The following MYT1L variants were observed in gnomAD, a reference collection of about 807,000 sequenced individuals.
MYT1L encodes the protein myelin transcription factor 1-like protein.
MYT1L carries 12 observed loss-of-function variants against 126.7 expected under a neutral mutation model. That is an observed-to-expected ratio of 0.09 (90% CI 0.06 to 0.15). The LOEUF is 0.15. Among genes scored for constraint, MYT1L ranks in the 10% least tolerant of loss-of-function variants. The pLI, the probability that MYT1L is intolerant of heterozygous loss-of-function variation, is 1.00. For synonymous variants in MYT1L, 541 were observed against 604.2 expected (o/e 0.90, Z 1.53); for missense variants, 979 against 1,585.2 (o/e 0.62, Z 6.49).
At chr2:2,058,605 C>T (rs572405246) in intron 3 of MYT1L, among the ~76,000 whole-genome samples, 1 of 152,146 alleles carries the variant, frequency 6.6e-6, no homozygotes. Context: ...TAATGATCAA[C>T]AAATTTATGC....
At position 2,273,150 on chromosome 2, in the gene MYT1L, C is replaced by G. The variant is rs57955620; in HGVS notation, c.-421+11254G>C. On this transcript the variant is annotated intron_variant, in intron 2 of 24. Coordinates refer to ENST00000647738, the MANE Select transcript of MYT1L (RefSeq NM_001303052.2). ...CCCCTGCCACAATTCTGGACTCTTC[C>G]CTGGTGACGCTCCTCCTCATTCCTC... Among the ~76,000 whole-genome samples, 673 of 152,298 alleles carry G rather than the reference C, an allele frequency of 4.4e-3. 2 individuals are homozygous for G. The highest frequency in any genetic ancestry group is 0.015 in the African/African-American group (640 of 41,564).
intron 10 of MYT1L, among the ~76,000 whole-genome samples, chr2:1,921,075 A>C (rs2053516950): frequency 6.6e-6 from 1 of 152,238 alleles, no homozygotes. Flanking sequence ...AGTGGGAAAA[A>C]GTGCAGTTTT....
intron 23 of MYT1L, among the ~76,000 whole-genome samples, chr2:1,794,041 C>T (rs969863084): frequency 3.3e-5 from 5 of 152,152 alleles, no homozygotes; most frequent in Admixed American, 6.5e-5. Context: ...TTTTCTATGA[C>T]GGAATCTAAT....
intron 9 of MYT1L, among the ~76,000 whole-genome samples, chr2:1,927,161 G>T (rs367768098): frequency 6.6e-6 from 1 of 152,138 alleles, no homozygotes; most frequent in Middle Eastern, 3.2e-3. Context: ...AATCAGAGAA[G>T]AGCTGGCCCA....
intron 21 of MYT1L, among the ~76,000 whole-genome samples, chr2:1,838,382 G>A (rs1457834267): frequency 1.3e-5 from 2 of 152,150 alleles, no homozygotes; most frequent in Non-Finnish European, 2.9e-5. Context: ...CTGTGTTTGA[G>A]ATGGATTTGA....
intron 1 of MYT1L, among the ~76,000 whole-genome samples, chr2:2,294,356 A>T (rs557964750): frequency 1.3e-5 from 2 of 152,164 alleles, no homozygotes; most frequent in Non-Finnish European, 2.9e-5. Flanking sequence ...ATATCTTAGG[A>T]TGGTTTCAAT....
intron 9 of MYT1L, among the ~76,000 whole-genome samples, chr2:1,926,524 C>A (rs1224875130): frequency 6.6e-6 from 1 of 152,156 alleles, no homozygotes; most frequent in Non-Finnish European, 1.5e-5. Flanking sequence ...AATGAACATT[C>A]CAACCTCAAA....
chr2:2,290,599 A>T (rs1250739732), intron 1 of MYT1L, among the ~76,000 whole-genome samples: 1 of 152,260 alleles, frequency 6.6e-6, no homozygotes, highest in East Asian at 1.9e-4. Context: ...TTAAAATGAC[A>T]GCATTCTGTT....
intron 18 of MYT1L, among the ~76,000 whole-genome samples, chr2:1,862,997 C>A (rs565510936): frequency 2.0e-5 from 3 of 152,158 alleles, no homozygotes; most frequent in South Asian, 2.1e-4. Flanking sequence ...AGGCTCACAA[C>A]GCTGGAATGA....
At chr2:1,906,134 C>A (rs530524180) in intron 13 of MYT1L, among the ~76,000 whole-genome samples, 1 of 152,216 alleles carries the variant, frequency 6.6e-6, no homozygotes, top group Non-Finnish European at 1.5e-5. Context: ...TTTAAAAAAT[C>A]GCCTACAGAT....
At chr2:2,095,645 G>C (rs577643610) in intron 3 of MYT1L, among the ~76,000 whole-genome samples, 1 of 152,112 alleles carries the variant, frequency 6.6e-6, no homozygotes, top group South Asian at 2.1e-4. Flanking sequence ...TTTTCCATCT[G>C]TGAGTGTCTG....
At chr2:2,084,244 C>T (rs561059418) in intron 3 of MYT1L, among the ~76,000 whole-genome samples, 6 of 152,356 alleles carry the variant, frequency 3.9e-5, no homozygotes, top group African/African-American at 1.4e-4. Context: ...TTAGTATAGA[C>T]TGAGAGGGCT....
At chr2:1,853,596 T>C (rs4369889) in intron 18 of MYT1L, among the ~76,000 whole-genome samples, 69,405 of 152,100 alleles carry the variant, frequency 0.46, 16,981 homozygotes, top group Middle Eastern at 0.67. Context: ...CTAATCGTGG[T>C]GCATGTATCT....
chr2:1,849,495 C>T (rs1429307872), intron 19 of MYT1L, among the ~76,000 whole-genome samples: 2 of 152,206 alleles, frequency 1.3e-5, no homozygotes, highest in African/African-American at 2.4e-5. Flanking sequence ...TGCCCTGGGT[C>T]TGTGGCAGTG....
intron 9 of MYT1L, among the ~76,000 whole-genome samples, chr2:1,936,362 T>C (rs1408371971): frequency 6.6e-6 from 1 of 152,168 alleles, no homozygotes; most frequent in Non-Finnish European, 1.5e-5. Flanking sequence ...AGAGTTTAGG[T>C]TTTTTAAAAT....
intron 1 of MYT1L, among the ~76,000 whole-genome samples, chr2:2,303,317 CG>C (rs754536724): frequency 1.3e-5 from 2 of 152,140 alleles, no homozygotes; most frequent in Non-Finnish European, 2.9e-5. Flanking sequence ...TTGTCTTCCG[CG>C]GGGGCACCTT....
At chr2:2,295,493 T>C (rs952815542) in intron 1 of MYT1L, among the ~76,000 whole-genome samples, 1 of 149,418 alleles carries the variant, frequency 6.7e-6, no homozygotes, top group Non-Finnish European at 1.5e-5. Flanking sequence ...CCAAAGGGAA[T>C]GTGGAGAGTG....
intron 8 of MYT1L, among the ~76,000 whole-genome samples, chr2:1,972,705 A>AT (rs2059899683): frequency 6.6e-6 from 1 of 152,226 alleles, no homozygotes; most frequent in African/African-American, 2.4e-5. Context: ...CTGTGAAGAC[A>AT]GGCAATTATT....
chr2:1,892,055 C>T lies in MYT1L; in HGVS notation c.2265G>A (p.Gln755=). 6.5e-7 allele frequency: 1 copy of T among 1,537,244 alleles called. No individual in the cohort carries two copies. Among genetic ancestry groups the T allele is most frequent in the African/African-American group, 1.4e-5 (1 of 73,088 alleles). The change falls in exon 15 of 25, where the codon CAG becomes CAA. Residue 755 remains glutamine (Q), a synonymous_variant. Transcript: ENST00000647738. Reference sequence around the variant, plus strand: ...CGCGTACCCGCGTGGCGCACAGGTCCTGCGGCTTGGTGCTCAGGTTCTGCG... The same window carrying T: ...CGCGTACCCGCGTGGCGCACAGGTCTTGCGGCTTGGTGCTCAGGTTCTGCG... ...EMPQNLSTKP[Q]DLCATRNPDM...
Sources: gnomAD v4.1 joint callset for allele counts (sites outside exome capture counted in the v4.1 genomes callset) on GRCh38, gnomAD v4.1.1 for gene constraint, MANE v1.5 for transcripts, NCBI Gene and HGNC (gene_info 2026-07-23, HGNC 2026-07-21) for gene names.